Variants in COG6 observed in about 807,000 individuals in gnomAD.
COG6 encodes the protein conserved oligomeric Golgi complex subunit 6.
Under a neutral mutation model 88.8 loss-of-function variants are expected in COG6, and 74 were observed. That is an observed-to-expected ratio of 0.83 (90% CI 0.69 to 1.01). COG6 has a LOEUF of 1.01. COG6 is among the 50% of genes least tolerant of loss of function. COG6 has a pLI of 0.00. For missense variants in COG6, 800 were observed against 797.9 expected (o/e 1.00, Z -0.03); for synonymous variants, 286 against 278.7 (o/e 1.03, Z -0.26).
At chr13:39,773,871 CTT>C (rs5803011) in intron 18 of COG6, among the ~76,000 whole-genome samples, 4 of 144,766 alleles carry the variant, frequency 2.8e-5, no homozygotes. Flanking sequence ...GACATTTTTG[CTT>C]TTTTTTTTTT....
chr13:39,779,143 C>T (rs757879131), intron 18 of COG6, among the ~76,000 whole-genome samples: 1 of 152,098 alleles, frequency 6.6e-6, no homozygotes, highest in Middle Eastern at 3.2e-3. Context: ...ATTTTTTCAC[C>T]AGTAAAATAG....
At chr13:39,670,972 TTC>T (rs1209553819) in intron 4 of COG6, among the ~76,000 whole-genome samples, 1 of 152,112 alleles carries the variant, frequency 6.6e-6, no homozygotes, top group Non-Finnish European at 1.5e-5. Flanking sequence ...GTGGCACATT[TTC>T]TTTCATTACC....
intron 18 of COG6, among the ~76,000 whole-genome samples, chr13:39,735,920 T>G (rs1879719958): frequency 6.6e-6 from 1 of 152,104 alleles, no homozygotes; most frequent in African/African-American, 2.4e-5. Context: ...TCTTTTCTCT[T>G]GCTGCTTTTA....
chr13:39,690,389 G>T (rs1876914322), intron 11 of COG6, among the ~76,000 whole-genome samples: 1 of 151,942 alleles, frequency 6.6e-6, no homozygotes, highest in Non-Finnish European at 1.5e-5. Context: ...GCTCTGGTGG[G>T]ACCTGTATAT....
chr13:39,725,124 C>G (rs184608326), intron 17 of COG6, among the ~76,000 whole-genome samples: 1 of 151,784 alleles, frequency 6.6e-6, no homozygotes, highest in African/African-American at 2.4e-5. Context: ...GTATAGTGTT[C>G]ATATGCATAG....
rs1215900706 is a variant in COG6 at position 39,687,717 on chromosome 13, A to G, written c.927A>G (p.Gly309=). The part of the protein sequence containing the change: ...MHSHDPLRYV[G]DMLAWLHQAT... Reference sequence around the variant, plus strand: ...ATTTAGTTTTCATTAGGTATGTAGGAGATATGTTGGCTTGGCTCCATCAAG... The same window carrying G: ...ATTTAGTTTTCATTAGGTATGTAGGGGATATGTTGGCTTGGCTCCATCAAG... The change falls in exon 10 of 19, where the codon GGA becomes GGG. Residue 309 remains glycine, a synonymous_variant. Transcript: ENST00000455146. 1.2e-6 allele frequency: 2 copies of G among 1,613,904 alleles called. No homozygotes were observed. Among genetic ancestry groups the G allele is most frequent in the Admixed American group, 1.7e-5 (1 of 59,974 alleles).
intron 13 of COG6, 57 bp from the exon 14 acceptor site, chr13:39,719,179 T>C: frequency 6.5e-7 from 1 of 1,550,172 alleles, no homozygotes; most frequent in South Asian, 1.1e-5. Context: ...CTTACATTTA[T>C]ACATTAAAAT....
downstream of COG6, among the ~76,000 whole-genome samples, chr13:39,752,970 T>C (rs1880716169): frequency 6.6e-6 from 1 of 152,224 alleles, no homozygotes; most frequent in Non-Finnish European, 1.5e-5. Context: ...GGTTGAACTT[T>C]TCCATTTCTT....
chr13:39,736,922 T>TA (rs1322619597), intron 18 of COG6, among the ~76,000 whole-genome samples: 1 of 152,148 alleles, frequency 6.6e-6, no homozygotes, highest in East Asian at 1.9e-4. Context: ...AGGTGGGTGT[T>TA]ATAGTCTTCA....
Position 39,723,364 on chromosome 13 carries a change from A to C in COG6, c.1616A>C (p.Glu539Ala), listed in dbSNP as rs1182318533. 3.1e-6 allele frequency: 5 copies of C among 1,610,736 alleles called. No individual in the cohort carries two copies. In the African/African-American group the frequency reaches 5.3e-5, roughly 17 times the overall value. ...IEAHLDTLIN[E>A]QASYVLTRVG... ...GCACATTTGGACACACTTATAAATG[A>C]GCAAGCCTCTTATGTTTTAACTAGG... is the stretch of plus-strand genomic sequence containing the variant. The change falls in exon 16 of 19, where the codon GAG becomes GCG. Residue 539 changes from glutamate (E) to alanine (A), a missense_variant. Coordinates refer to ENST00000455146, the MANE Select transcript of COG6 (RefSeq NM_020751.3).
intron 12 of COG6, among the ~76,000 whole-genome samples, chr13:39,695,028 T>TA (rs1566183539): frequency 6.6e-6 from 1 of 151,214 alleles, no homozygotes; most frequent in African/African-American, 2.4e-5. Flanking sequence ...TGTAAGTCTT[T>TA]ATTGAGTCTT....
chr13:39,670,606 A>T (rs116569906), intron 4 of COG6, among the ~76,000 whole-genome samples: 2,957 of 152,160 alleles, frequency 0.019, 40 homozygotes, highest in South Asian at 0.033. Flanking sequence ...TTATTTACGT[A>T]AGTTGCTGAA....
At chr13:39,663,510 A>G (rs4943690) in intron 3 of COG6, among the ~76,000 whole-genome samples, 151,690 of 152,322 alleles carry the variant, frequency 1, 75,535 homozygotes, top group Non-Finnish European at 1. Flanking sequence ...GAACTTTAGC[A>G]TTTAAGAAGT....
chr13:39,657,288 C>T (rs1874579054), intron 1 of COG6, among the ~76,000 whole-genome samples: 2 of 152,228 alleles, frequency 1.3e-5, no homozygotes, highest in South Asian at 2.1e-4. Flanking sequence ...GCCTCAGCCT[C>T]CCAAAGTGCT....
intron 18 of COG6, among the ~76,000 whole-genome samples, chr13:39,736,312 A>G (rs1233968909): frequency 1.3e-5 from 2 of 151,862 alleles, no homozygotes; most frequent in Non-Finnish European, 2.9e-5. Context: ...TGCATTCTTT[A>G]GCATGTCACT....
intron 4 of COG6, among the ~76,000 whole-genome samples, chr13:39,674,867 C>A (rs77333440): frequency 0.059 from 9,001 of 152,018 alleles, 349 homozygotes; most frequent in Non-Finnish European, 0.09. Flanking sequence ...GGATTTGGTA[C>A]CGTCAGCAGT....
chr13:39,768,814 A>C (rs1191883800), intron 18 of COG6, among the ~76,000 whole-genome samples: 1 of 152,076 alleles, frequency 6.6e-6, no homozygotes, highest in Non-Finnish European at 1.5e-5. Context: ...GAATGTTTCA[A>C]ATACTCTTGC....
In COG6 at chr13:39,723,370, C is replaced by G. The variant is rs770618499; in HGVS notation, c.1622C>G (p.Ala541Gly). The change falls in exon 16 of 19, where the codon GCC (alanine) becomes GGC (glycine). Residue 541 changes from alanine to glycine, a missense_variant. By Grantham distance (60) the Ala-to-Gly change is moderately conservative. Coordinates refer to ENST00000455146, the MANE Select transcript of COG6 (RefSeq NM_020751.3). ...AHLDTLINEQ[A>G]SYVLTRVGLS... is the part of the protein sequence containing the mutation. ...TTGGACACACTTATAAATGAGCAAG[C>G]CTCTTATGTTTTAACTAGGGTAGGC... 25 of 1,611,016 alleles carry G rather than the reference C, an allele frequency of 1.6e-5. No homozygotes were observed. In the East Asian group the frequency reaches 4.5e-4, roughly 29 times the overall value.
chr13:39,734,070 G>A (rs1879603563), intron 18 of COG6, among the ~76,000 whole-genome samples: 1 of 151,924 alleles, frequency 6.6e-6, no homozygotes, highest in African/African-American at 2.4e-5. Flanking sequence ...ATCACCTTTT[G>A]TTTCATCACT....
Sources: allele counts gnomAD v4.1 joint callset (sites outside exome capture counted in the v4.1 genomes callset), GRCh38; gene constraint gnomAD v4.1.1; transcripts MANE v1.5; gene names NCBI Gene and HGNC (gene_info 2026-07-23, HGNC 2026-07-21).